KCNH7: variants seen among roughly 807,000 people sequenced by gnomAD.
The protein encoded by KCNH7 is voltage-gated inwardly rectifying potassium channel KCNH7.
In KCNH7, 49 loss-of-function variants were observed where a neutral mutation model predicts 120.8. The observed-to-expected ratio is 0.41, with a 90% CI of 0.32 to 0.51. The LOEUF is 0.51. Ranked by LOEUF, KCNH7 falls within the 20% of genes least tolerant of loss-of-function variation. The pLI, the probability that KCNH7 is intolerant of heterozygous loss-of-function variation, is 0.38. For missense variants in KCNH7, 1,097 were observed against 1,446.6 expected (o/e 0.76, Z 3.92); for synonymous variants, 547 against 516.1 (o/e 1.06, Z -0.81).
At chr2:162,691,087 A>G (rs574144050) in intron 2 of KCNH7, among the ~76,000 whole-genome samples, 1 of 152,318 alleles carries the variant, frequency 6.6e-6, no homozygotes, top group Admixed American at 6.5e-5. Context: ...AACAACAATC[A>G]GATAGCTCTC....
intron 2 of KCNH7, among the ~76,000 whole-genome samples, chr2:162,639,963 T>C (rs73028567): frequency 0.13 from 19,384 of 152,026 alleles, 2,452 homozygotes; most frequent in African/African-American, 0.31. Flanking sequence ...TTCCAATCAC[T>C]ACCAAGATTA....
intron 6 of KCNH7, among the ~76,000 whole-genome samples, chr2:162,452,244 T>C (rs1318295172): frequency 1.3e-5 from 2 of 152,026 alleles, no homozygotes. Context: ...TATTTATTTA[T>C]AATAAACTTA....
chr2:162,750,920 T>G (rs891125681), intron 2 of KCNH7, among the ~76,000 whole-genome samples: 2 of 152,166 alleles, frequency 1.3e-5, no homozygotes, highest in Non-Finnish European at 2.9e-5. Flanking sequence ...AATAAATACA[T>G]ATTTTCAATT....
rs572925692 is a variant in KCNH7 at position 162,783,384 on chromosome 2, T to C, written c.307+53153A>G. Reference sequence around the variant, plus strand: ...ATTTGCAGAAAAACATCCATTTGCTTCAACATTTGATAAACTTGGAAAATA... The same window carrying C: ...ATTTGCAGAAAAACATCCATTTGCTCCAACATTTGATAAACTTGGAAAATA... On this transcript the variant is annotated intron_variant, in intron 2 of 15. Coordinates refer to ENST00000332142, the MANE Select transcript of KCNH7 (RefSeq NM_033272.4). Among the ~76,000 whole-genome samples, 3 of 152,288 alleles carry C rather than the reference T, an allele frequency of 2.0e-5. No homozygotes were observed. The East Asian group carries it at 5.8e-4, about 29-fold the overall frequency.
At chr2:162,759,508 A>C (rs1376568547) in intron 2 of KCNH7, among the ~76,000 whole-genome samples, 1 of 152,054 alleles carries the variant, frequency 6.6e-6, no homozygotes, top group Non-Finnish European at 1.5e-5. Context: ...CAATTTCTTG[A>C]ACAATGTAAG....
intron 2 of KCNH7, among the ~76,000 whole-genome samples, chr2:162,627,174 G>A (rs1387754864): frequency 2.6e-5 from 4 of 152,106 alleles, no homozygotes; most frequent in Admixed American, 6.6e-5. Context: ...CTGCATCTAA[G>A]AACATCAAGA....
intron 3 of KCNH7, among the ~76,000 whole-genome samples, chr2:162,535,733 C>T (rs192107474): frequency 2.8e-4 from 42 of 151,626 alleles, no homozygotes; most frequent in Non-Finnish European, 5.9e-5. Context: ...TAACCTCAAC[C>T]TTCTGAAAAT....
chr2:162,540,531 A>G (rs934998535), intron 2 of KCNH7, among the ~76,000 whole-genome samples: 1 of 152,094 alleles, frequency 6.6e-6, no homozygotes. Flanking sequence ...ACTGCTTTAA[A>G]GGCGTTTTAT....
chr2:162,384,610 C>A, intron 13 of KCNH7, 78 bp downstream of exon 13: 1 of 1,323,740 alleles, frequency 7.6e-7, no homozygotes. Context: ...TGTGTCAGTA[C>A]AGTTCTTAAT....
intron 2 of KCNH7, among the ~76,000 whole-genome samples, chr2:162,689,542 G>C (rs922018397): frequency 6.6e-6 from 1 of 152,038 alleles, no homozygotes; most frequent in African/African-American, 2.4e-5. Context: ...CAAACACAAT[G>C]CCTACAATAA....
chr2:162,636,401 G>C (rs1471276267), intron 2 of KCNH7, among the ~76,000 whole-genome samples: 1 of 152,098 alleles, frequency 6.6e-6, no homozygotes, highest in Non-Finnish European at 1.5e-5. Flanking sequence ...AGCCAATGTC[G>C]TGTCGATTAC....
intron 2 of KCNH7, among the ~76,000 whole-genome samples, chr2:162,692,838 T>TC (rs1372397164): frequency 6.6e-6 from 1 of 151,976 alleles, no homozygotes. Context: ...AAAGTAAGCA[T>TC]CATAAGGTAG....
chr2:162,766,975 A>AC (rs1228878385), intron 2 of KCNH7, among the ~76,000 whole-genome samples: 1 of 151,912 alleles, frequency 6.6e-6, no homozygotes, highest in Non-Finnish European at 1.5e-5. Context: ...TCTGGCTTTA[A>AC]AAAAATTTAA....
chr2:162,785,365 A>G (rs1000054427), intron 2 of KCNH7, among the ~76,000 whole-genome samples: 1 of 152,160 alleles, frequency 6.6e-6, no homozygotes, highest in Admixed American at 6.6e-5. Context: ...CTTAAATATA[A>G]CAGTTTAATA....
At chr2:162,732,670 A>ATTTGT (rs1261156177) in intron 2 of KCNH7, among the ~76,000 whole-genome samples, 44 of 152,168 alleles carry the variant, frequency 2.9e-4, no homozygotes, top group African/African-American at 9.4e-4. Flanking sequence ...TGTAATAGTA[A>ATTTGT]AATTATAATT....
intron 2 of KCNH7, among the ~76,000 whole-genome samples, chr2:162,554,737 C>T (rs1028441097): frequency 1.3e-5 from 2 of 152,126 alleles, no homozygotes; most frequent in East Asian, 1.9e-4. Context: ...CCTTTCATAA[C>T]GACCCTATGA....
chr2:162,793,217 G>A (rs938556299), intron 2 of KCNH7, among the ~76,000 whole-genome samples: 25 of 151,994 alleles, frequency 1.6e-4, no homozygotes, highest in Middle Eastern at 3.2e-3. Flanking sequence ...AATACCATAT[G>A]TTCTCACTTA....
At chr2:162,573,655 G>A (rs532402706) in intron 2 of KCNH7, among the ~76,000 whole-genome samples, 1 of 151,994 alleles carries the variant, frequency 6.6e-6, no homozygotes, top group African/African-American at 2.4e-5. Flanking sequence ...TTTTGTGTGT[G>A]TGTTTATGTT....
chr2:162,700,607 T>C (rs1686461620), intron 2 of KCNH7, among the ~76,000 whole-genome samples: 1 of 152,188 alleles, frequency 6.6e-6, no homozygotes, highest in South Asian at 2.1e-4. Context: ...TTCTCTTCTT[T>C]TAAAAAAATC....
Sources: allele counts gnomAD v4.1 joint callset (sites outside exome capture counted in the v4.1 genomes callset), GRCh38; gene constraint gnomAD v4.1.1; transcripts MANE v1.5; gene names NCBI Gene and HGNC (gene_info 2026-07-23, HGNC 2026-07-21).